Variants in UGT2B15 observed in about 807,000 individuals in gnomAD.
UGT2B15 encodes UDP-glucuronosyltransferase 2B15.
In UGT2B15, 36 loss-of-function variants were observed where a neutral mutation model predicts 45.9. That is an observed-to-expected ratio of 0.78 (90% confidence interval 0.60 to 1.04). The LOEUF is 1.04. Among genes scored for constraint, UGT2B15 ranks in the 50% least tolerant of loss-of-function variants. The probability of loss-of-function intolerance (pLI) is 0.00; values close to 1 mark genes in which losing one functional copy is unlikely to be tolerated. For synonymous variants in UGT2B15, 219 were observed against 216.4 expected, an observed-to-expected ratio of 1.01 and a Z score of -0.11; for missense variants, 617 against 622.4, an observed-to-expected ratio of 0.99 and a Z score of 0.09.
rs564989692 is a variant in UGT2B15 at position 68,650,660 on chromosome 4, C to T, written c.1314-3277G>A. The stretch of plus-strand genomic sequence containing the variant: ...TGATTTATATGCCTTTGGGTATATA[C>T]GAAGTAATGAGATTGCTAGGTCAAA... On this transcript the variant is annotated intron_variant, in intron 5 of 5. Coordinates refer to ENST00000338206, the MANE Select transcript of UGT2B15 (RefSeq NM_001076.4). Among the ~76,000 whole-genome samples, 123 of 152,106 alleles carry T rather than the reference C, an allele frequency of 8.1e-4. 1 individual carries two copies. Among genetic ancestry groups the T allele is most frequent in the South Asian group, 6.4e-3 (31 of 4,818 alleles).
At chr4:68,668,230 G>A (rs754679095) in intron 1 of UGT2B15, 42 bp from the exon 2 acceptor site, 19 of 1,605,900 alleles carry the variant, frequency 1.2e-5, no homozygotes, top group Admixed American at 3.4e-5. Context: ...TAGCTAACAC[G>A]AGAATTGTTA....
chr4:68,659,246 A>C (rs1342720541), intron 3 of UGT2B15, among the ~76,000 whole-genome samples: 1 of 151,996 alleles, frequency 6.6e-6, no homozygotes, highest in African/African-American at 2.4e-5. Context: ...TTGAGTTACC[A>C]CATTAGTCAA....
chr4:68,667,746 A>G (rs1277131067), intron 2 of UGT2B15, among the ~76,000 whole-genome samples: 1 of 151,968 alleles, frequency 6.6e-6, no homozygotes, highest in Non-Finnish European at 1.5e-5. Context: ...TGTATTAATC[A>G]CTCTACAAAT....
At chr4:68,649,046 G>A (rs1578192945) in intron 5 of UGT2B15, among the ~76,000 whole-genome samples, 1 of 151,802 alleles carries the variant, frequency 6.6e-6, no homozygotes, top group Non-Finnish European at 1.5e-5. Context: ...TAGTTGATGA[G>A]AGAAAGGCAC....
rs755573622 is a variant in UGT2B15 at position 68,670,382 on chromosome 4, T to C, written c.237A>G (p.Thr79=). Reference sequence around the variant, plus strand: ...CTTCCAAATAATTTTTAGTTAAAGATGTAGGATAAACTTCTAATTTAATAG... The same window carrying C: ...CTTCCAAATAATTTTTAGTTAAAGACGTAGGATAAACTTCTAATTTAATAG... ...SSAIKLEVYP[T]SLTKNYLEDS... The change falls in exon 1 of 6, where the codon ACA becomes ACG. Residue 79 remains threonine (T), a synonymous_variant. Coordinates refer to ENST00000338206, the MANE Select transcript of UGT2B15 (RefSeq NM_001076.4). The C allele has an allele frequency of 1.3e-5, 21 of 1,613,628 alleles. No individual in the cohort carries two copies. Among genetic ancestry groups the C allele is most frequent in the Non-Finnish European group, 1.7e-5 (20 of 1,179,940 alleles).
chr4:68,666,278 G>A (rs1484971433), intron 2 of UGT2B15, among the ~76,000 whole-genome samples: 2 of 152,108 alleles, frequency 1.3e-5, no homozygotes, highest in Non-Finnish European at 2.9e-5. Context: ...AGTACACAGA[G>A]TATCTGTTCT....
chr4:68,668,273 T>C (rs2109836733), intron 1 of UGT2B15, 85 bp from the exon 2 acceptor site: 1 of 1,583,856 alleles, frequency 6.3e-7, no homozygotes, highest in Non-Finnish European at 8.6e-7. Context: ...TGAAAGGACT[T>C]GGAATAACAT....
chr4:68,650,800 A>G (rs1732630748), intron 5 of UGT2B15, among the ~76,000 whole-genome samples: 1 of 151,956 alleles, frequency 6.6e-6, no homozygotes. Flanking sequence ...CCCCAGCTTC[A>G]CCAGGATCTG....
intron 2 of UGT2B15, among the ~76,000 whole-genome samples, chr4:68,667,224 G>A (rs1733164811): frequency 6.6e-6 from 1 of 151,382 alleles, no homozygotes; most frequent in South Asian, 2.1e-4. Context: ...GTTCAGTGGT[G>A]TGGTCTCAGC....
At chr4:68,660,004 G>A (rs1403458451) in intron 3 of UGT2B15, among the ~76,000 whole-genome samples, 2 of 141,098 alleles carry the variant, frequency 1.4e-5, no homozygotes, top group Non-Finnish European at 3.1e-5. Context: ...ATACTCCTAT[G>A]AAAAAAATTT....
intron 3 of UGT2B15, among the ~76,000 whole-genome samples, chr4:68,659,111 A>G (rs1351459748): frequency 6.6e-6 from 1 of 152,038 alleles, no homozygotes; most frequent in African/African-American, 2.4e-5. Flanking sequence ...AGAATTTTAT[A>G]GATTGTTCAT....
intron 5 of UGT2B15, among the ~76,000 whole-genome samples, chr4:68,649,064 A>G (rs1732571690): frequency 6.6e-6 from 1 of 151,862 alleles, no homozygotes; most frequent in Admixed American, 6.6e-5. Flanking sequence ...CACATTTATA[A>G]TTAGAATTTT....
Position 68,647,040 on chromosome 4 carries a change from C to A in UGT2B15, c.*64G>T. ...AAAAGGAAATCCTCCATTTAAAACC[C>A]TCCATGCTGAAATAAAGGAGGAGTC... On this transcript the variant is annotated 3_prime_UTR_variant, in exon 6 of 6. Coordinates refer to ENST00000338206, the MANE Select transcript of UGT2B15 (RefSeq NM_001076.4). 6.5e-7 allele frequency: 1 copy of A among 1,547,626 alleles called. No homozygotes were observed. Among genetic ancestry groups the A allele is most frequent in the South Asian group, 1.3e-5 (1 of 78,860 alleles).
At chr4:68,653,924 T>C in intron 5 of UGT2B15, 113 bp downstream of exon 5, 1 of 1,379,992 alleles carries the variant, frequency 7.2e-7, no homozygotes, top group South Asian at 1.4e-5. Flanking sequence ...TTACATTGGT[T>C]AAATCACTTC....
Position 68,647,183 on chromosome 4 carries a change from A to G in UGT2B15, c.1514T>C (p.Val505Ala). Residue 505 changes from valine (V) to alanine (A), a missense_variant, in exon 6 of 6, where the codon GTG becomes GCG. Val to Ala is a moderately conservative substitution (Grantham distance 64, BLOSUM62 0). Transcript: ENST00000338206. The part of the protein sequence containing the change: ...IAFLLACVAT[V>A]IFIITKFCLF... ...GCAAAATTTTGTGATGATAAATATC[A>G]CAGTTGCCACGCAGGCCAGCAGGAA... 1 of 1,613,950 alleles carries G rather than the reference A, an allele frequency of 6.2e-7. No individual in the cohort carries two copies. The highest frequency in any genetic ancestry group is 8.5e-7 in the Non-Finnish European group (1 of 1,179,930).
chr4:68,670,210 G>A lies in UGT2B15; in HGVS notation c.409C>T (p.Leu137Phe), dbSNP rs556924605. The change falls in exon 1 of 6, where the codon CTT becomes TTT. Residue 137 changes from leucine to phenylalanine, a missense_variant. Physicochemically the swap from Leu to Phe is conservative, Grantham distance 22 (BLOSUM62 0). Around this residue, in one of 3 missense-constraint regions of UGT2B15, gnomAD observed 351 missense variants for 342.1 expected, o/e 1.03. Transcript: ENST00000338206. ...TTTGACTCTTGTAGTTTCATCATAA[G>A]TTTCTTATTCAAAACTGCATCTTTA... The part of the protein sequence containing the change: ...LCKDAVLNKK[L>F]MMKLQESKFD... 60 of 1,613,974 alleles carry A rather than the reference G, an allele frequency of 3.7e-5. No individual in the cohort carries two copies. The highest frequency in any genetic ancestry group is 4.7e-5 in the Non-Finnish European group (55 of 1,179,960).
chr4:68,649,679 T>C (rs753319629), intron 5 of UGT2B15, among the ~76,000 whole-genome samples: 3 of 151,962 alleles, frequency 2.0e-5, no homozygotes, highest in African/African-American at 4.8e-5. Context: ...GCAATATATA[T>C]ACACACACAC....
chr4:68,655,192 C>A lies in UGT2B15; in HGVS notation c.1006-10G>T. ...CAAATCTCCATAGAACCTGTTAGGG[C>A]AAGGAAAATATCTTGTTCAATGAAT... is the stretch of plus-strand genomic sequence containing the variant. On this transcript the variant is annotated splice_polypyrimidine_tract_variant and intron_variant, in intron 3 of 5. Coordinates refer to ENST00000338206, the MANE Select transcript of UGT2B15 (RefSeq NM_001076.4). 6.2e-7 allele frequency: 1 copy of A among 1,612,488 alleles called. No homozygotes were observed. The highest frequency in any genetic ancestry group is 8.5e-7 in the Non-Finnish European group (1 of 1,179,096).
chr4:68,659,504 T>C (rs1254477442), intron 3 of UGT2B15, among the ~76,000 whole-genome samples: 2 of 152,012 alleles, frequency 1.3e-5, no homozygotes, highest in Admixed American at 6.6e-5. Flanking sequence ...TATTGTTATG[T>C]GTTCCAAAAT....
Sources: gnomAD v4.1 joint callset for allele counts (sites outside exome capture counted in the v4.1 genomes callset) on GRCh38, gnomAD v4.1.1 for gene constraint, gnomAD v4.1.1 regional missense constraint, MANE v1.5 for transcripts, NCBI Gene and HGNC (gene_info 2026-07-23, HGNC 2026-07-21) for gene names.